CARS2: variants seen among roughly 807,000 people sequenced by gnomAD.
CARS2 encodes probable cysteine--tRNA ligase, mitochondrial.
A neutral mutation model predicts 68.8 loss-of-function variants in CARS2; 52 were observed. The observed-to-expected ratio is 0.76, with a 90% confidence interval of 0.61 to 0.95. The LOEUF (loss-of-function observed/expected upper bound fraction) is 0.95. Ranked by LOEUF, CARS2 falls within the 40% of genes least tolerant of loss-of-function variation. The pLI, the probability that CARS2 is intolerant of heterozygous loss-of-function variation, is 0.00. For missense variants in CARS2, 780 were observed against 754.2 expected (o/e 1.03, Z -0.40); for synonymous variants, 314 against 303.6 (o/e 1.03, Z -0.36).
Position 110,647,208 on chromosome 13 carries a change from T to C in CARS2, c.1086A>G (p.Gln362=), listed in dbSNP as rs551971117. ...AIDYSDSAML[Q]AQQLLLGLGS... The stretch of plus-strand genomic sequence containing the variant: ...CCAGCCCCAGGAGCAGCTGCTGAGC[T>C]TGGAGCATGGCGCTGTCACTGTAGT... The change falls in exon 11 of 15, where the codon CAA becomes CAG. Residue 362 remains glutamine (Q), a synonymous_variant. Transcript: ENST00000257347. 6.2e-5 allele frequency: 100 copies of C among 1,613,324 alleles called. 2 individuals carry two copies. In the South Asian group the frequency reaches 1.0e-3, roughly 16 times the overall value.
intron 9 of CARS2, chr13:110,663,052 T>C (rs1177817474): frequency 2.2e-6 from 1 of 463,488 alleles, no homozygotes; most frequent in South Asian, 1.5e-5. Flanking sequence ...GCTCTGAGCC[T>C]ATTAAGGGCA....
At chr13:110,672,011 C>T (rs1015982866) in intron 7 of CARS2, among the ~76,000 whole-genome samples, 2 of 152,310 alleles carry the variant, frequency 1.3e-5, no homozygotes, top group Non-Finnish European at 2.9e-5. Flanking sequence ...ACAAGAAGAA[C>T]TAACTATCCT....
rs2062773727 is a variant in CARS2 at position 110,670,521 on chromosome 13, CAGAA to C, written c.786-3052_786-3049del. ...GACTGTTAGAAGGAAAACTAACAAA[CAGAA>C]AGGACATCCACACCAAAACCCCATC... On this transcript the variant is annotated intron_variant, in intron 7 of 14. Coordinates refer to ENST00000257347, the MANE Select transcript of CARS2 (RefSeq NM_024537.4). The surrounding 1 kb of genome is among the most constrained non-coding windows in gnomAD (Gnocchi z 4.1). Among the ~76,000 whole-genome samples the C allele has an allele frequency of 6.6e-6, 1 of 152,212 alleles. No homozygotes were observed. The highest frequency in any genetic ancestry group is 2.4e-5 in the African/African-American group (1 of 41,456).
chr13:110,683,124 G>C lies in CARS2; in HGVS notation c.582C>G (p.Tyr194Ter). The C allele has an allele frequency of 1.3e-6, 2 of 1,594,478 alleles. No homozygotes were observed. The highest frequency in any genetic ancestry group is 1.8e-5 in the Admixed American group (1 of 56,344). Residue 194 changes from tyrosine to a stop codon, truncating the protein, a stop_gained, in exon 6 of 15, where the codon TAC (tyrosine) becomes TAG (stop). Transcript: ENST00000257347. LOFTEE classifies it high-confidence loss of function. ...NAYSTAKGNV[Y>*]FDLKSRGDKY... ...TGTCTCCTCTAGACTTCAGATCGAA[G>C]TAGACATTGCCTGTTTATAAAGACA...
At chr13:110,713,322 G>GT (rs2064060441) in exon 1 of CARS2, 1 of 1,150,896 alleles carries the variant, frequency 8.7e-7, no homozygotes, top group Non-Finnish European at 1.1e-6. Context: ...GGAGGTTTCT[G>GT]TCCCGCGGCC....
intron 9 of CARS2, 63 bp from the exon 10 acceptor site, chr13:110,651,163 A>G: frequency 8.9e-7 from 1 of 1,128,198 alleles, no homozygotes; most frequent in East Asian, 2.5e-5. Context: ...TGTTCAGAGA[A>G]TATGTTACTT....
intron 9 of CARS2, among the ~76,000 whole-genome samples, chr13:110,655,941 G>C (rs550292891): frequency 2.0e-5 from 3 of 152,332 alleles, no homozygotes; most frequent in African/African-American, 4.8e-5. Flanking sequence ...GCGGGCTCCA[G>C]GCCAGCCTTC....
At chr13:110,706,225 C>A, upstream of CARS2, 3 of 575,346 alleles carry the variant, frequency 5.2e-6, no homozygotes, top group Non-Finnish European at 7.4e-6. Context: ...CGGAAGCAGT[C>A]CTCAGGTAGC....
intron 3 of CARS2, among the ~76,000 whole-genome samples, chr13:110,700,172 C>T (rs1405965876): frequency 6.6e-6 from 1 of 152,154 alleles, no homozygotes; most frequent in Non-Finnish European, 1.5e-5. Flanking sequence ...AGTGGAGGGC[C>T]ACCTTACAAA....
chr13:110,660,763 C>CTTTTT (rs201474441), intron 9 of CARS2, among the ~76,000 whole-genome samples: 4 of 132,838 alleles, frequency 3.0e-5, no homozygotes, highest in Non-Finnish European at 4.7e-5. Flanking sequence ...TAGCATAATT[C>CTTTTT]TTTTTTTTTT....
At chr13:110,642,725 A>G (rs1887554240) in intron 13 of CARS2, 4 of 757,530 alleles carry the variant, frequency 5.3e-6, no homozygotes, top group Non-Finnish European at 9.6e-6. Flanking sequence ...CTCAACTCTG[A>G]GCATCTGTCG....
intron 9 of CARS2, among the ~76,000 whole-genome samples, chr13:110,652,773 C>T (rs574175648): frequency 2.0e-5 from 3 of 152,234 alleles, no homozygotes; most frequent in Non-Finnish European, 2.9e-5. Flanking sequence ...GTCCACAGAC[C>T]TCCTAGGGGC....
At chr13:110,679,676 G>GAGGA (rs2063099475) in intron 6 of CARS2, among the ~76,000 whole-genome samples, 1 of 121,162 alleles carries the variant, frequency 8.3e-6, no homozygotes, top group Non-Finnish European at 1.7e-5. Context: ...GGGAGGGAGG[G>GAGGA]AGGGAGGGAA....
At chr13:110,707,024 C>T (rs965971589), upstream of CARS2, among the ~76,000 whole-genome samples, 4 of 151,590 alleles carry the variant, frequency 2.6e-5, no homozygotes, top group African/African-American at 9.7e-5. Flanking sequence ...TGTCTGCACC[C>T]CAGTACAGTG....
At chr13:110,674,166 T>C (rs113439412) in intron 7 of CARS2, among the ~76,000 whole-genome samples, 1 of 152,166 alleles carries the variant, frequency 6.6e-6, no homozygotes, top group Non-Finnish European at 1.5e-5. Flanking sequence ...ATGCCATCCC[T>C]ATCAAGCTAC....
chr13:110,692,235 TGAG>T (rs2063490916), intron 3 of CARS2, among the ~76,000 whole-genome samples: 1 of 151,532 alleles, frequency 6.6e-6, no homozygotes, highest in Middle Eastern at 3.2e-3. Context: ...TTTGGGAGGC[TGAG>T]GTGGGTGGAT....
At chr13:110,685,744 T>C (rs1404533862) in intron 5 of CARS2, among the ~76,000 whole-genome samples, 1 of 152,056 alleles carries the variant, frequency 6.6e-6, no homozygotes, top group African/African-American at 2.4e-5. Context: ...CATGGAGAGA[T>C]GAGGCTGTGG....
chr13:110,664,923 T>G, intron 8 of CARS2: 15 of 820,368 alleles, frequency 1.8e-5, no homozygotes, highest in Non-Finnish European at 2.2e-5. Context: ...AGCAGAACTG[T>G]GAGGAATTCA....
chr13:110,713,047 C>T lies in CARS2; in HGVS notation n.399+90G>A, dbSNP rs774314260. 7 of 1,466,876 alleles carry T rather than the reference C, an allele frequency of 4.8e-6. No homozygotes were observed. The African/African-American group carries it at 7.1e-5, about 15-fold the overall frequency. 90.9% of individuals were successfully genotyped at this position (1,466,876 alleles called of 1,614,324 possible). A position where few individuals can be genotyped will look rare whatever the true frequency, so the allele number is the denominator to read the frequency against. On this transcript the variant is annotated intron_variant and non_coding_transcript_variant, in intron 1 of 2. Coordinates refer to the CARS2 transcript ENST00000485188. ...AGAGGGTGCCAGTGCGCATGCGCCG[C>T]CACTTCCGCCCGTGCCCGGCCCTCC...
Sources: gnomAD v4.1 joint callset for allele counts (sites outside exome capture counted in the v4.1 genomes callset) on GRCh38, gnomAD v4.1.1 for gene constraint, Gnocchi (gnomAD v3.1) non-coding constraint, MANE v1.5 for transcripts, NCBI Gene and HGNC (gene_info 2026-07-23, HGNC 2026-07-21) for gene names.